PRKN: variants seen among roughly 807,000 people sequenced by gnomAD.
The protein encoded by PRKN is E3 ubiquitin-protein ligase parkin.
A neutral mutation model predicts 59.5 loss-of-function variants in PRKN; 56 were observed. That is an observed-to-expected ratio of 0.94 (90% CI 0.76 to 1.18). PRKN has a LOEUF of 1.18. Ranked by LOEUF, PRKN falls within the 50% of genes most tolerant of loss-of-function variation. The probability of loss-of-function intolerance (pLI) is 0.00; values close to 1 mark genes in which losing one functional copy is unlikely to be tolerated. For missense variants in PRKN, 657 were observed against 596.4 expected (o/e 1.10, Z -1.06); for synonymous variants, 250 against 222.1 (o/e 1.13, Z -1.12).
At chr6:161,811,360 C>A (rs181659421) in intron 6 of PRKN, among the ~76,000 whole-genome samples, 10 of 152,192 alleles carry the variant, frequency 6.6e-5, no homozygotes, top group Admixed American at 2.0e-4. Flanking sequence ...TTTTAGACAT[C>A]ATCATATACA....
chr6:161,712,629 T>C (rs957501997), intron 7 of PRKN, among the ~76,000 whole-genome samples: 3 of 152,172 alleles, frequency 2.0e-5, no homozygotes, highest in African/African-American at 7.2e-5. Flanking sequence ...TTTACTTCCA[T>C]ATGGATCTAA....
chr6:162,393,686 G>A (rs1787334957), intron 2 of PRKN, among the ~76,000 whole-genome samples: 1 of 152,034 alleles, frequency 6.6e-6, no homozygotes, highest in African/African-American at 2.4e-5. Flanking sequence ...ATGGTATTGT[G>A]GTAAGAGTAA....
intron 4 of PRKN, among the ~76,000 whole-genome samples, chr6:162,070,736 A>G (rs2023061): frequency 0.83 from 125,726 of 152,100 alleles, 52,122 homozygotes; most frequent in Admixed American, 0.88. Flanking sequence ...TAGATCCCCC[A>G]CATGCACAGT....
At chr6:161,750,142 C>CACACACACACACACAT (rs765990689) in intron 7 of PRKN, among the ~76,000 whole-genome samples, 15 of 136,980 alleles carry the variant, frequency 1.1e-4, no homozygotes, top group African/African-American at 4.1e-4. Context: ...CACACACACA[C>CACACACACACACACAT]ATATATAAAT....
intron 7 of PRKN, among the ~76,000 whole-genome samples, chr6:161,570,142 A>T (rs1327549467): frequency 0.03 from 3,924 of 129,848 alleles, 45 homozygotes; most frequent in Non-Finnish European, 0.037. Flanking sequence ...AAAAAAAAAA[A>T]AAAAATATAT....
chr6:162,288,500 A>G (rs1313183817), intron 2 of PRKN, among the ~76,000 whole-genome samples: 4 of 152,162 alleles, frequency 2.6e-5, no homozygotes, highest in East Asian at 1.9e-4. Context: ...GAAGTGTGCA[A>G]GTGAGCTCCA....
chr6:162,045,221 G>A (rs1483094116), intron 5 of PRKN, among the ~76,000 whole-genome samples: 2 of 152,154 alleles, frequency 1.3e-5, no homozygotes, highest in African/African-American at 2.4e-5. Flanking sequence ...ACAAATCAAT[G>A]TGTTATAAAA....
At chr6:161,534,388 G>A (rs549722055) in intron 9 of PRKN, among the ~76,000 whole-genome samples, 1 of 152,262 alleles carries the variant, frequency 6.6e-6, no homozygotes, top group South Asian at 2.1e-4. Context: ...ACAACGATGA[G>A]TGTGCTGAAT....
At chr6:162,395,352 T>C (rs1172354967) in intron 2 of PRKN, among the ~76,000 whole-genome samples, 1 of 152,214 alleles carries the variant, frequency 6.6e-6, no homozygotes, top group Non-Finnish European at 1.5e-5. Flanking sequence ...GACACTGTCC[T>C]GCAGAAAGGT....
chr6:162,315,152 T>G (rs1387947050), intron 2 of PRKN, among the ~76,000 whole-genome samples: 1 of 152,148 alleles, frequency 6.6e-6, no homozygotes, highest in African/African-American at 2.4e-5. Context: ...AACAAACAAA[T>G]GAAGTGTGTA....
At chr6:161,798,045 C>T (rs1299978677) in intron 6 of PRKN, among the ~76,000 whole-genome samples, 28 of 152,058 alleles carry the variant, frequency 1.8e-4, no homozygotes, top group South Asian at 4.2e-4. Context: ...ACTAAAACTA[C>T]AAAAAATTAA....
chr6:161,657,710 C>T (rs1784400401), intron 7 of PRKN, among the ~76,000 whole-genome samples: 1 of 151,954 alleles, frequency 6.6e-6, no homozygotes. Context: ...CCATCTAGAT[C>T]AACTTGAAAC....
chr6:161,909,687 A>ATT (rs1778282581), intron 6 of PRKN, among the ~76,000 whole-genome samples: 1 of 152,120 alleles, frequency 6.6e-6, no homozygotes, highest in Admixed American at 6.5e-5. Context: ...GTGTCTCAAT[A>ATT]CTTTCCTCCC....
At chr6:161,898,184 A>G (rs1023563763) in intron 6 of PRKN, among the ~76,000 whole-genome samples, 2 of 150,874 alleles carry the variant, frequency 1.3e-5, no homozygotes, top group African/African-American at 2.4e-5. Flanking sequence ...TTTTCCAGTT[A>G]AAACGAATCT....
At chr6:162,504,041 AC>A (rs1793499025) in intron 1 of PRKN, among the ~76,000 whole-genome samples, 1 of 151,858 alleles carries the variant, frequency 6.6e-6, no homozygotes, top group East Asian at 1.9e-4. Context: ...TCCAGGCAGA[AC>A]TACTGGAAAG....
At chr6:161,495,280 T>C (rs1042787546) in intron 9 of PRKN, among the ~76,000 whole-genome samples, 3 of 152,148 alleles carry the variant, frequency 2.0e-5, no homozygotes, top group Non-Finnish European at 2.9e-5. Context: ...GCCCGGCATA[T>C]CCTAGGGGAG....
chr6:162,535,981 T>C lies in PRKN; in HGVS notation c.8-92508A>G, dbSNP rs1778699499. Reference sequence around the variant, plus strand: ...ATGTACTGAAAACCATCTCCTAAACTTCTCTCTCCAACAACAATTAAGTAC... The same window carrying C: ...ATGTACTGAAAACCATCTCCTAAACCTCTCTCTCCAACAACAATTAAGTAC... On this transcript the variant is annotated intron_variant, in intron 1 of 11. Transcript: ENST00000366898. Among the ~76,000 whole-genome samples, 3 of 151,760 alleles carry C rather than the reference T, an allele frequency of 2.0e-5. No individual in the cohort carries two copies. In the South Asian group the frequency reaches 6.3e-4, roughly 32 times the overall value.
intron 7 of PRKN, among the ~76,000 whole-genome samples, chr6:161,771,696 C>G (rs1789701776): frequency 6.6e-6 from 1 of 152,162 alleles, no homozygotes; most frequent in Admixed American, 6.5e-5. Flanking sequence ...GGAGGGCATT[C>G]AGACTTTACT....
chr6:161,556,947 T>C (rs931225847), intron 8 of PRKN, among the ~76,000 whole-genome samples: 5 of 152,118 alleles, frequency 3.3e-5, no homozygotes, highest in African/African-American at 9.7e-5. Flanking sequence ...CTATTAAAAA[T>C]AGTTTGCAAA....
Sources: allele counts gnomAD v4.1 joint callset (sites outside exome capture counted in the v4.1 genomes callset), GRCh38; gene constraint gnomAD v4.1.1; transcripts MANE v1.5; gene names NCBI Gene and HGNC (gene_info 2026-07-23, HGNC 2026-07-21).